The following IQCH variants were observed in gnomAD, a reference collection of about 807,000 sequenced individuals.
IQCH encodes IQ domain-containing protein H.
Under a neutral mutation model 117.0 loss-of-function variants are expected in IQCH, and 98 were observed. The observed-to-expected ratio is 0.84, with a 90% CI of 0.71 to 0.99. IQCH has a LOEUF of 0.99. Ranked by LOEUF, IQCH falls within the 50% of genes least tolerant of loss-of-function variation. IQCH has a pLI of 0.00. For synonymous variants in IQCH, 412 were observed against 448.2 expected (o/e 0.92, Z 1.02); for missense variants, 1,102 against 1,243.8 (o/e 0.89, Z 1.72).
chr15:67,281,620 C>T (rs1966361376), intron 4 of IQCH: 3 of 451,450 alleles, frequency 6.6e-6, no homozygotes, highest in African/African-American at 2.0e-5. Flanking sequence ...CTCAATCTCT[C>T]CCAGATCCAG....
At chr15:67,439,612 G>T (rs186625134) in intron 16 of IQCH, among the ~76,000 whole-genome samples, 2 of 152,062 alleles carry the variant, frequency 1.3e-5, no homozygotes, top group Non-Finnish European at 2.9e-5. Flanking sequence ...TAGGCCAGGC[G>T]CAGTGGCTCA....
chr15:67,475,753 T>A lies in IQCH; in HGVS notation c.2734T>A (p.Ser912Thr). ...CACCCAGCTAAGACACAGCAATCTC[T>A]CACTGGTTTTCCACTATGTTTTTCT... is the stretch of plus-strand genomic sequence containing the variant. ...MTTQLRHSNL[S>T]LVFHYVFLQI... The change falls in exon 18 of 21, where the codon TCA (serine) becomes ACA (threonine). Residue 912 changes from serine (S) to threonine (T), a missense_variant. Ser to Thr is a moderately conservative substitution (Grantham distance 58). Transcript: ENST00000335894. The surrounding 1 kb of genome is among the most constrained non-coding windows in gnomAD (Gnocchi z 5.7). 6.2e-7 allele frequency: 1 copy of A among 1,614,132 alleles called. No homozygotes were observed. Among genetic ancestry groups the A allele is most frequent in the Non-Finnish European group, 8.5e-7 (1 of 1,179,970 alleles).
intron 5 of IQCH, among the ~76,000 whole-genome samples, chr15:67,338,413 G>A (rs1024541159): frequency 2.4e-4 from 37 of 152,132 alleles, no homozygotes; most frequent in African/African-American, 8.4e-4. Flanking sequence ...TAAATTAATC[G>A]GCATATATTT....
At chr15:67,455,460 C>G (rs921259048) in intron 16 of IQCH, among the ~76,000 whole-genome samples, 2 of 152,180 alleles carry the variant, frequency 1.3e-5, no homozygotes, top group Non-Finnish European at 2.9e-5. Flanking sequence ...TATTTCTTGC[C>G]TATATATTCT....
rs1181172513 is a variant in IQCH at position 67,395,855 on chromosome 15, A to T, written c.1905+292A>T. Among the ~76,000 whole-genome samples the T allele has an allele frequency of 6.6e-6, 1 of 151,956 alleles. No individual in the cohort carries two copies. The highest frequency in any genetic ancestry group is 1.9e-4 in the East Asian group (1 of 5,180). ...CAGCTAATTTTTGTATTTTTAGTAG[A>T]GATGGGGTTTCACCATGTTGGCCAG... On this transcript the variant is annotated intron_variant, in intron 13 of 20. Coordinates refer to ENST00000335894, the MANE Select transcript of IQCH (RefSeq NM_001031715.3). The surrounding 1 kb of genome is among the most constrained non-coding windows in gnomAD (Gnocchi z 4.0).
rs1232728850 is a variant in IQCH, at chr15:67,433,719, A to C, written c.2505+12142A>C. On this transcript the variant is annotated intron_variant, in intron 16 of 20. Transcript: ENST00000335894. This position sits in a 1 kb window ranked among gnomAD's most constrained non-coding sequence, Gnocchi z 5.4. The stretch of plus-strand genomic sequence containing the variant: ...CACCCTGCTGTCTCCAGCAGGTACT[A>C]CATTTCTGCAGGACTCAGGAGGGCA... 1.3e-5 allele frequency among the ~76,000 whole-genome samples: 2 copies of C among 152,302 alleles called. No homozygotes were observed. The highest frequency in any genetic ancestry group is 3.9e-4 in the East Asian group (2 of 5,182).
intron 3 of IQCH, among the ~76,000 whole-genome samples, chr15:67,276,564 C>G (rs1175512710): frequency 6.6e-6 from 1 of 152,128 alleles, no homozygotes; most frequent in African/African-American, 2.4e-5. Context: ...TGTCTCAAAA[C>G]ATCTTTATTT....
At position 67,384,937 on chromosome 15, in the gene IQCH, G is replaced by A. The variant is rs1186761414; in HGVS notation, c.1374G>A (p.Gly458=). Residue 458 remains glycine (G), a splice_region_variant and synonymous_variant, in exon 11 of 21, where the codon GGG becomes GGA. Transcript: ENST00000335894. The surrounding 1 kb of genome is among the most constrained non-coding windows in gnomAD (Gnocchi z 4.3). ...TTTGACACCTTGTTTGCCTTTTAGG[G>A]TATTCCCAGCCTGTGAGAGAACATA... ...RRTIIHIPSL[G]YSQPVREHIA... 2 of 1,606,130 alleles carry A rather than the reference G, an allele frequency of 1.2e-6. No homozygotes were observed. The highest frequency in any genetic ancestry group is 1.1e-5 in the South Asian group (1 of 90,822).
At chr15:67,428,914 T>C (rs2081956767) in intron 16 of IQCH, among the ~76,000 whole-genome samples, 1 of 150,854 alleles carries the variant, frequency 6.6e-6, no homozygotes, top group Non-Finnish European at 1.5e-5. Context: ...TTGAAGATGC[T>C]GTGCTGCTGG....
At chr15:67,319,343 C>T (rs1190330352) in intron 4 of IQCH, among the ~76,000 whole-genome samples, 1 of 152,196 alleles carries the variant, frequency 6.6e-6, no homozygotes, top group Non-Finnish European at 1.5e-5. Context: ...AGATCTGGCA[C>T]TAATTCCTAG....
In IQCH at chr15:67,465,328, G is replaced by A. The variant is rs747919756; in HGVS notation, c.2676+31G>A. On this transcript the variant is annotated intron_variant, in intron 17 of 20. Coordinates refer to ENST00000335894, the MANE Select transcript of IQCH (RefSeq NM_001031715.3). This position sits in a 1 kb window ranked among gnomAD's most constrained non-coding sequence, Gnocchi z 5.9. ...CAAGAGGTGCTTCCTGAAGGTTCTC[G>A]GTGTTCAGCAACACCCACTGCCACT... is the stretch of plus-strand genomic sequence containing the variant. 15 of 1,602,790 alleles carry A rather than the reference G, an allele frequency of 9.4e-6. No homozygotes were observed. Among genetic ancestry groups the A allele is most frequent in the South Asian group, 6.6e-5 (6 of 90,602 alleles).
chr15:67,315,334 T>C (rs866531544), intron 4 of IQCH, among the ~76,000 whole-genome samples: 3 of 152,216 alleles, frequency 2.0e-5, no homozygotes, highest in Non-Finnish European at 4.4e-5. Flanking sequence ...TTTTATAGTC[T>C]GATGCACCCA....
chr15:67,418,939 C>T (rs114145670), intron 15 of IQCH, among the ~76,000 whole-genome samples: 1,933 of 151,932 alleles, frequency 0.013, 38 homozygotes, highest in African/African-American at 0.044. Context: ...CCAGGCCCGT[C>T]CAGGTCATTA....
chr15:67,468,211 G>A (rs574034581), intron 17 of IQCH, among the ~76,000 whole-genome samples: 1 of 152,260 alleles, frequency 6.6e-6, no homozygotes, highest in African/African-American at 2.4e-5. Context: ...CCATACCATG[G>A]TTGGTGAGTG....
At chr15:67,397,193 G>A (rs1444591612) in intron 13 of IQCH, among the ~76,000 whole-genome samples, 1 of 152,222 alleles carries the variant, frequency 6.6e-6, no homozygotes, top group Non-Finnish European at 1.5e-5. Flanking sequence ...TAACATGTAT[G>A]TGCAATGTTT....
In IQCH at chr15:67,417,158, T is replaced by C. The variant is rs1225902948; in HGVS notation, c.2218+107T>C. ...AAATACTTTGCATCTCCTGTGTTGG[T>C]TTAGAAAAGTGCTCCTACGGTTTTC... On this transcript the variant is annotated intron_variant, in intron 15 of 20. Transcript: ENST00000335894. This position sits in a 1 kb window ranked among gnomAD's most constrained non-coding sequence, Gnocchi z 4.3. 3.3e-6 allele frequency: 3 copies of C among 903,968 alleles called. No homozygotes were observed. The highest frequency in any genetic ancestry group is 4.7e-6 in the Non-Finnish European group (3 of 633,910). 56.0% of individuals were successfully genotyped at this position (903,968 alleles called of 1,614,324 possible).
At position 67,457,642 on chromosome 15, in the gene IQCH, C is replaced by A. The variant is rs888874931; in HGVS notation, c.2506-7485C>A. ...TCTCACACACTATCTCATTTAGCCACTGAATCCACACATATCCCTCAGGGA... is the reference window on the plus strand; with the variant it reads ...TCTCACACACTATCTCATTTAGCCAATGAATCCACACATATCCCTCAGGGA... On this transcript the variant is annotated intron_variant, in intron 16 of 20. Transcript: ENST00000335894. The surrounding 1 kb of genome is among the most constrained non-coding windows in gnomAD (Gnocchi z 5.7). 6.6e-6 allele frequency among the ~76,000 whole-genome samples: 1 copy of A among 152,194 alleles called. No individual in the cohort carries two copies. Among genetic ancestry groups the A allele is most frequent in the East Asian group, 1.9e-4 (1 of 5,194 alleles).
In IQCH at chr15:67,365,798, C is replaced by T. The variant is rs1298181046; in HGVS notation, c.753+5913C>T. ...TATAAAAGTTAGCCGGGTGTGGTGGCGCGTGCCTGTAATCCTGGCTGCTCA... is the reference window on the plus strand; with the variant it reads ...TATAAAAGTTAGCCGGGTGTGGTGGTGCGTGCCTGTAATCCTGGCTGCTCA... On this transcript the variant is annotated intron_variant, in intron 8 of 20. Coordinates refer to ENST00000335894, the MANE Select transcript of IQCH (RefSeq NM_001031715.3). The surrounding 1 kb of genome is among the most constrained non-coding windows in gnomAD (Gnocchi z 4.4). Among the ~76,000 whole-genome samples, 4 of 152,088 alleles carry T rather than the reference C, an allele frequency of 2.6e-5. No individual in the cohort carries two copies. The highest frequency in any genetic ancestry group is 4.4e-5 in the Non-Finnish European group (3 of 68,020).
At chr15:67,358,255 C>A (rs536686199) in intron 7 of IQCH, among the ~76,000 whole-genome samples, 1 of 104,206 alleles carries the variant, frequency 9.6e-6, no homozygotes, top group African/African-American at 3.8e-5. Flanking sequence ...CCCAGGCTGG[C>A]ACAGTCTCGG....
Sources: allele counts gnomAD v4.1 joint callset (sites outside exome capture counted in the v4.1 genomes callset), GRCh38; gene constraint gnomAD v4.1.1; non-coding constraint Gnocchi (gnomAD v3.1); transcripts MANE v1.5; gene names NCBI Gene and HGNC (gene_info 2026-07-23, HGNC 2026-07-21).